The following SLC6A9 variants were observed in gnomAD, a reference collection of about 807,000 sequenced individuals.
SLC6A9 encodes the protein solute carrier family 6 member 9.
Under a neutral mutation model 70.9 loss-of-function variants are expected in SLC6A9, and 31 were observed. The observed-to-expected ratio is 0.44, with a 90% CI of 0.33 to 0.59. SLC6A9 has a LOEUF of 0.59. Among genes scored for constraint, SLC6A9 ranks in the 20% least tolerant of loss-of-function variants. The pLI is 0.04. For synonymous variants in SLC6A9, 310 were observed against 341.3 expected (o/e 0.91, Z 1.01); for missense variants, 631 against 845.2 (o/e 0.75, Z 3.14).
chr1:44,002,988 G>T lies in SLC6A9; in HGVS notation c.591-3C>A. ...CTGACAGCTTCAGCACGTACAGCCT[G>T]GGAAGGGGAGACTCTGTCACTGAGG... On this transcript the variant is annotated splice_polypyrimidine_tract_variant and splice_region_variant and intron_variant, in intron 5 of 13. Coordinates refer to ENST00000372310, the MANE Select transcript of SLC6A9 (RefSeq NM_001024845.3). The surrounding 1 kb of genome is among the most constrained non-coding windows in gnomAD (Gnocchi z 5.5). 6.2e-7 allele frequency: 1 copy of T among 1,614,000 alleles called. No homozygotes were observed. Among genetic ancestry groups the T allele is most frequent in the Middle Eastern group, 1.6e-4 (1 of 6,062 alleles).
At position 43,997,320 on chromosome 1, in the gene SLC6A9, C is replaced by T. The variant is rs200050448; in HGVS notation, c.*225G>A. On this transcript the variant is annotated 3_prime_UTR_variant, in exon 14 of 14. Transcript: ENST00000372310. This position sits in a 1 kb window ranked among gnomAD's most constrained non-coding sequence, Gnocchi z 4.4. ...AAGTGCTTTGGACCTCCCAGCAACC[C>T]TCCACTCCCACCCCTCCCCCCAGCT... 476 of 565,724 alleles carry T rather than the reference C, an allele frequency of 8.4e-4. 2 individuals are homozygous for T. In the African/African-American group the frequency reaches 8.6e-3, roughly 10 times the overall value. 35.0% of individuals were successfully genotyped at this position (565,724 alleles called of 1,614,324 possible).
intron 2 of SLC6A9, chr1:44,016,898 G>T: frequency 1.3e-6 from 1 of 749,164 alleles, no homozygotes; most frequent in Non-Finnish European, 2.1e-6. Flanking sequence ...GCAACTTTCT[G>T]GGTCACTTTG....
At chr1:44,001,908 G>A (rs1451903936) in intron 8 of SLC6A9, among the ~76,000 whole-genome samples, 1 of 152,076 alleles carries the variant, frequency 6.6e-6, no homozygotes, top group Non-Finnish European at 1.5e-5. Flanking sequence ...TCTTTTTTAT[G>A]TTTTATAAAG....
intron 1 of SLC6A9, among the ~76,000 whole-genome samples, chr1:44,028,850 A>G (rs1418449303): frequency 2.0e-5 from 3 of 152,174 alleles, no homozygotes; most frequent in Non-Finnish European, 4.4e-5. Flanking sequence ...CAGGCCAAAA[A>G]TGAAGGGGCT....
intron 5 of SLC6A9, among the ~76,000 whole-genome samples, chr1:44,005,855 C>T (rs183967874): frequency 2.6e-5 from 4 of 152,342 alleles, no homozygotes; most frequent in African/African-American, 7.2e-5. Flanking sequence ...GCCGTGCTGC[C>T]GGGAAGGTAT....
At chr1:44,021,011 A>G (rs2086871869) in intron 2 of SLC6A9, among the ~76,000 whole-genome samples, 1 of 152,230 alleles carries the variant, frequency 6.6e-6, no homozygotes, top group African/African-American at 2.4e-5. Flanking sequence ...ACTCTGCATG[A>G]GTGGGCAGTG....
In SLC6A9 at chr1:43,997,496, G is replaced by T; in HGVS notation, c.*49C>A. 1 of 1,545,796 alleles carries T rather than the reference G, an allele frequency of 6.5e-7. No homozygotes were observed. The highest frequency in any genetic ancestry group is 8.9e-7 in the Non-Finnish European group (1 of 1,123,858). On this transcript the variant is annotated 3_prime_UTR_variant, in exon 14 of 14. Transcript: ENST00000372310. This position sits in a 1 kb window ranked among gnomAD's most constrained non-coding sequence, Gnocchi z 4.4. ...CCTGGCCTCTGCCTCACCAGTCTCT[G>T]CGGTGGGAGCACGGGGTGGGGGTGG...
chr1:44,026,638 G>A (rs1221014192), intron 1 of SLC6A9, among the ~76,000 whole-genome samples: 1 of 150,932 alleles, frequency 6.6e-6, no homozygotes, highest in Non-Finnish European at 1.5e-5. Flanking sequence ...CAGCCTGGGC[G>A]ACAGAGCAAG....
rs2085898792 is a variant in SLC6A9, at chr1:43,997,318, C to T, written c.*227G>A. 4 of 561,242 alleles carry T rather than the reference C, an allele frequency of 7.1e-6. No homozygotes were observed. The Admixed American group carries it at 9.8e-5, about 14-fold the overall frequency. 34.8% of individuals were successfully genotyped at this position (561,242 alleles called of 1,614,324 possible). On this transcript the variant is annotated 3_prime_UTR_variant, in exon 14 of 14. Coordinates refer to ENST00000372310, the MANE Select transcript of SLC6A9 (RefSeq NM_001024845.3). This position sits in a 1 kb window ranked among gnomAD's most constrained non-coding sequence, Gnocchi z 4.4. Reference sequence around the variant, plus strand: ...CAAAGTGCTTTGGACCTCCCAGCAACCCTCCACTCCCACCCCTCCCCCCAG... The same window carrying T: ...CAAAGTGCTTTGGACCTCCCAGCAATCCTCCACTCCCACCCCTCCCCCCAG...
chr1:44,000,444 G>A (rs1330074972), intron 12 of SLC6A9, among the ~76,000 whole-genome samples: 1 of 152,206 alleles, frequency 6.6e-6, no homozygotes, highest in African/African-American at 2.4e-5. Flanking sequence ...GGGAGATAAG[G>A]CCAGCAGGCA....
chr1:44,023,798 G>A (rs903112525), intron 2 of SLC6A9, among the ~76,000 whole-genome samples: 1 of 152,158 alleles, frequency 6.6e-6, no homozygotes, highest in African/African-American at 2.4e-5. Flanking sequence ...AAGGGTGGAG[G>A]GACATTTTCT....
chr1:43,999,516 A>T (rs1355579421), intron 12 of SLC6A9, among the ~76,000 whole-genome samples: 1 of 152,016 alleles, frequency 6.6e-6, no homozygotes, highest in Non-Finnish European at 1.5e-5. Context: ...TGAGCCGCAG[A>T]GGCTGAGCTC....
chr1:44,010,918 C>T, intron 2 of SLC6A9, 36 bp from the exon 3 acceptor site: 1 of 1,611,772 alleles, frequency 6.2e-7, no homozygotes. Context: ...ATCAGCAAGG[C>T]ATTTGTGCTC....
Position 43,997,890 on chromosome 1 carries a change from G to C in SLC6A9, c.1672C>G (p.Arg558Gly), listed in dbSNP as rs139433292. 1.9e-6 allele frequency: 3 copies of C among 1,613,814 alleles called. No homozygotes were observed. Among genetic ancestry groups the C allele is most frequent in the Non-Finnish European group, 2.5e-6 (3 of 1,179,796 alleles). The change falls in exon 13 of 14, where the codon CGG (arginine) becomes GGG (glycine). Residue 558 changes from arginine to glycine, a missense_variant. Transcript: ENST00000372310. The surrounding 1 kb of genome is among the most constrained non-coding windows in gnomAD (Gnocchi z 4.4). ...VLCIPLYAMF[R>G]LCRTDGDTLL... ...GTGTCCCCGTCTGTGCGGCAGAGCC[G>C]GAACATGGCGTAGAGGGGGATGCAG... is the stretch of plus-strand genomic sequence containing the variant.
At chr1:44,017,061 A>AG in intron 2 of SLC6A9, 1 of 1,598,724 alleles carries the variant, frequency 6.3e-7, no homozygotes, top group Non-Finnish European at 8.5e-7. Flanking sequence ...TCTGGGGAAG[A>AG]GGGGGCCACA....
rs776808360 is a variant in SLC6A9, at chr1:44,002,337, T to C, written c.938A>G (p.Asn313Ser). ...CCGGTAACAGTTATTGTGGAACTTG[T>C]TGTAGGAAGCCATGGTGATGAGGCC... ...WGGLITMASY[N>S]KFHNNCYRDS... The change falls in exon 8 of 14, where the codon AAC becomes AGC. Residue 313 changes from asparagine (N) to serine (S), a missense_variant. Physicochemically the swap from Asn to Ser is conservative, Grantham distance 46. Coordinates refer to ENST00000372310, the MANE Select transcript of SLC6A9 (RefSeq NM_001024845.3). The surrounding 1 kb of genome is among the most constrained non-coding windows in gnomAD (Gnocchi z 5.5). The C allele has an allele frequency of 1.9e-6, 3 of 1,613,858 alleles. No homozygotes were observed. The highest frequency in any genetic ancestry group is 1.1e-5 in the South Asian group (1 of 91,082).
chr1:44,029,997 C>G (rs973712014), intron 1 of SLC6A9, among the ~76,000 whole-genome samples: 2 of 152,204 alleles, frequency 1.3e-5, no homozygotes, highest in Non-Finnish European at 1.5e-5. Context: ...AGAAATAGAC[C>G]GCGCTTTGTG....
chr1:44,001,730 T>A, intron 8 of SLC6A9, 103 bp from the exon 9 acceptor site: 1 of 780,930 alleles, frequency 1.3e-6, no homozygotes, highest in Non-Finnish European at 2.1e-6. Context: ...CCCCCAACTC[T>A]TTTTTTTTGG....
intron 2 of SLC6A9, 46 bp downstream of exon 2, chr1:44,024,202 G>A: frequency 6.3e-7 from 1 of 1,598,606 alleles, no homozygotes; most frequent in Non-Finnish European, 8.6e-7. Flanking sequence ...CTGGGGGCAG[G>A]GCTTGGGACT....
Sources: gnomAD v4.1 joint callset for allele counts (sites outside exome capture counted in the v4.1 genomes callset) on GRCh38, gnomAD v4.1.1 for gene constraint, Gnocchi (gnomAD v3.1) non-coding constraint, MANE v1.5 for transcripts, NCBI Gene and HGNC (gene_info 2026-07-23, HGNC 2026-07-21) for gene names.